TEX11: variants seen among roughly 807,000 people sequenced by gnomAD.
TEX11 encodes testis expressed 11.
TEX11 carries 7 observed loss-of-function variants against 84.4 expected under a neutral mutation model. That is an observed-to-expected ratio of 0.08 (90% CI 0.05 to 0.16). The LOEUF (loss-of-function observed/expected upper bound fraction) is 0.16. Ranked by LOEUF, TEX11 falls within the 10% of genes least tolerant of loss-of-function variation. The pLI is 1.00. For synonymous variants in TEX11, 264 were observed against 222.8 expected (o/e 1.18, Z -1.64); for missense variants, 551 against 660.5 (o/e 0.83, Z 1.82).
Position 70,552,383 on chromosome X carries a change from C to A in TEX11, c.2400-137G>T, listed in dbSNP as rs1380910199. On this transcript the variant is annotated intron_variant, in intron 27 of 29. Coordinates refer to ENST00000374333, the MANE Select transcript of TEX11 (RefSeq NM_031276.3). ...TGTTCTTCCCTCGGTTTTATCTGGC[C>A]TCCAACCTCAGAAGACAGATTTTTG... 4.0e-6 allele frequency: 3 copies of A among 753,584 alleles called. No individual in the cohort carries two copies. The African/African-American group carries it at 6.5e-5, about 16-fold the overall frequency. 62.1% of individuals were successfully genotyped at this position (753,584 alleles called of 1,213,427 possible). A position where few individuals can be genotyped will look rare whatever the true frequency, so the allele number is the denominator to read the frequency against.
intron 16 of TEX11, among the ~76,000 whole-genome samples, chrX:70,669,867 T>C (rs2090007513): frequency 8.9e-6 from 1 of 112,785 alleles, no homozygotes; most frequent in Non-Finnish European, 1.9e-5. Flanking sequence ...CGTTCTATCT[T>C]TAAACAAGCT....
chrX:70,649,188 G>C (rs867877626), intron 17 of TEX11, among the ~76,000 whole-genome samples: 1 of 112,143 alleles, frequency 8.9e-6, no homozygotes, highest in Non-Finnish European at 1.9e-5. Context: ...ACGTGTGCAT[G>C]TATCTTTATA....
intron 20 of TEX11, among the ~76,000 whole-genome samples, chrX:70,622,768 A>G (rs113775700): frequency 5.4e-5 from 6 of 111,787 alleles, no homozygotes; most frequent in African/African-American, 1.9e-4. Flanking sequence ...TTAACTCATC[A>G]TCAATCTTAT....
chrX:70,663,076 T>C (rs180680146), intron 16 of TEX11, among the ~76,000 whole-genome samples: 198 of 111,772 alleles, frequency 1.8e-3, no homozygotes, highest in Non-Finnish European at 2.8e-3. Flanking sequence ...AATTCAGTGA[T>C]TAATGAGCCT....
chrX:70,853,888 T>A, intron 5 of TEX11, among the ~76,000 whole-genome samples: 1 of 111,727 alleles, frequency 9.0e-6, no homozygotes, highest in Non-Finnish European at 1.9e-5. Flanking sequence ...CCAAGAAAGG[T>A]ATCTTCCTCC....
intron 9 of TEX11, among the ~76,000 whole-genome samples, chrX:70,756,999 C>A (rs944254794): frequency 1.3e-4 from 14 of 111,883 alleles, no homozygotes; most frequent in African/African-American, 4.6e-4. Context: ...CTGATTCAAT[C>A]AAGTGGAAGG....
At chrX:70,519,701 G>A in the TEX11 span, among the ~76,000 whole-genome samples, 1 of 112,126 alleles carries the variant, frequency 8.9e-6, no homozygotes. Flanking sequence ...ATAATATCCT[G>A]CAGAGTGTTT....
intron 11 of TEX11, among the ~76,000 whole-genome samples, chrX:70,732,315 A>G (rs1238105789): frequency 2.7e-5 from 3 of 111,360 alleles, no homozygotes; most frequent in African/African-American, 9.8e-5. Flanking sequence ...GCAATCAGGC[A>G]GAAGGAAATA....
intron 5 of TEX11, among the ~76,000 whole-genome samples, chrX:70,858,177 C>A (rs1453156645): frequency 1.8e-5 from 2 of 109,637 alleles, no homozygotes; most frequent in Admixed American, 1.0e-4. Context: ...TGGCCGGATG[C>A]AGTGGCTCAC....
chrX:70,794,368 A>G (rs747585807), intron 9 of TEX11, among the ~76,000 whole-genome samples: 116 of 111,714 alleles, frequency 1.0e-3, no homozygotes, highest in African/African-American at 3.7e-3. Flanking sequence ...AGCAAGCCTC[A>G]TTGCTGTCGG....
chrX:70,752,669 C>G (rs1777165149), intron 9 of TEX11, among the ~76,000 whole-genome samples: 1 of 110,447 alleles, frequency 9.1e-6, no homozygotes, highest in Non-Finnish European at 1.9e-5. Context: ...ATAGAAGGCT[C>G]CACCAATCGT....
At chrX:70,725,200 T>C in intron 12 of TEX11, 62 bp downstream of exon 12, 1 of 804,869 alleles carries the variant, frequency 1.2e-6, no homozygotes, top group Non-Finnish European at 1.8e-6. Flanking sequence ...CAAAAGATCT[T>C]ATATTTAACA....
intron 9 of TEX11, among the ~76,000 whole-genome samples, chrX:70,785,635 A>G (rs146718922): frequency 0.11 from 11,816 of 111,765 alleles, 852 homozygotes; most frequent in Admixed American, 0.29. Flanking sequence ...AAAATCAAAC[A>G]GCCCCATCAA....
chrX:70,747,910 T>A (rs751655363), intron 9 of TEX11, among the ~76,000 whole-genome samples: 25 of 111,002 alleles, frequency 2.3e-4, no homozygotes, highest in Non-Finnish European at 3.8e-4. Flanking sequence ...TATTATTTTT[T>A]AAAAAAGAAA....
At chrX:70,686,886 C>T (rs1353657755) in intron 13 of TEX11, among the ~76,000 whole-genome samples, 3 of 110,935 alleles carry the variant, frequency 2.7e-5, no homozygotes, top group Non-Finnish European at 3.8e-5. Flanking sequence ...ATTCATGAAA[C>T]ACCAGTTGCA....
intron 25 of TEX11, among the ~76,000 whole-genome samples, 161 bp from the exon 26 acceptor site, chrX:70,554,961 T>A (rs1183397711): frequency 8.9e-6 from 1 of 112,280 alleles, no homozygotes; most frequent in East Asian, 2.8e-4. Flanking sequence ...TAAATTTTAT[T>A]TTTGTTTTTT....
intron 13 of TEX11, 22 bp from the exon 14 acceptor site, chrX:70,682,847 T>C: frequency 8.4e-7 from 1 of 1,197,276 alleles, no homozygotes; most frequent in Non-Finnish European, 1.1e-6. Flanking sequence ...GACACAATTT[T>C]AAGCAATGCG....
intron 9 of TEX11, among the ~76,000 whole-genome samples, chrX:70,750,933 A>ACATAT (rs1556039355): frequency 3.5e-5 from 1 of 28,187 alleles, no homozygotes; most frequent in Non-Finnish European, 7.0e-5. Context: ...AAAAAAAAAA[A>ACATAT]ATATATATAT....
intron 9 of TEX11, among the ~76,000 whole-genome samples, chrX:70,788,953 TATATATATATATATATATATAGAGAG>T (rs2091097512): frequency 2.5e-5 from 1 of 40,169 alleles, no homozygotes; most frequent in Non-Finnish European, 4.3e-5. Context: ...TATATATATA[TATATATATATATATATATATAGAGAG>T]AGAGAGAGAG....
Sources: allele counts gnomAD v4.1 joint callset (sites outside exome capture counted in the v4.1 genomes callset), GRCh38; gene constraint gnomAD v4.1.1; transcripts MANE v1.5; gene names NCBI Gene and HGNC (gene_info 2026-07-23, HGNC 2026-07-21).